The following OR10H5 variants were observed in gnomAD, a reference collection of about 807,000 sequenced individuals.
The protein encoded by OR10H5 is olfactory receptor family 10 subfamily H member 5, also known as olfactory receptor 10H5.
Under a neutral mutation model 12.2 loss-of-function variants are expected in OR10H5, and 7 were observed. That is an observed-to-expected ratio of 0.57 (90% CI 0.33 to 1.07). The LOEUF (loss-of-function observed/expected upper bound fraction) is 1.07. Among genes scored for constraint, OR10H5 ranks in the 50% least tolerant of loss-of-function variants. The probability of loss-of-function intolerance (pLI) is 0.04; values close to 1 mark genes in which losing one functional copy is unlikely to be tolerated. For synonymous variants in OR10H5, 159 were observed against 175.1 expected, an observed-to-expected ratio of 0.91 and a Z score of 0.73; for missense variants, 346 against 411.6, an observed-to-expected ratio of 0.84 and a Z score of 1.38.
At position 15,796,611 on chromosome 19, in the gene OR10H5, C is replaced by G. The variant is rs2088841201; in HGVS notation, c.*1615C>G. On this transcript the variant is annotated 3_prime_UTR_variant, in exon 2 of 2. Transcript: ENST00000642092. The stretch of plus-strand genomic sequence containing the variant: ...CTCTACAAAAAAATTAAAAAATTAG[C>G]TAGACATGGCTGCATGTGCCTGTAG... 6.6e-6 allele frequency: 1 copy of G among 152,000 alleles called. No individual in the cohort carries two copies. Among genetic ancestry groups the G allele is most frequent in the South Asian group, 2.1e-4 (1 of 4,816 alleles). 9.4% of individuals were successfully genotyped at this position (152,000 alleles called of 1,614,324 possible).
In OR10H5 at chr19:15,795,158, T is replaced by G; in HGVS notation, c.*162T>G. On this transcript the variant is annotated 3_prime_UTR_variant, in exon 2 of 2. Transcript: ENST00000642092. ...TCCTCCCTCCTTCTCTGACCTACAGTCCACCCTCCCTCCCCCCTCCTCCTT... is the reference window on the plus strand; with the variant it reads ...TCCTCCCTCCTTCTCTGACCTACAGGCCACCCTCCCTCCCCCCTCCTCCTT... The G allele has an allele frequency of 1.7e-6, 1 of 588,440 alleles. No individual in the cohort carries two copies. Among genetic ancestry groups the G allele is most frequent in the Non-Finnish European group, 2.8e-6 (1 of 357,026 alleles). The allele number at this position is 588,440 out of a possible 1,614,324, so 36.5% of individuals were successfully genotyped here. A position where few individuals can be genotyped will look rare whatever the true frequency, so the allele number is the denominator to read the frequency against.
Position 15,794,060 on chromosome 19 carries a change from A to G in OR10H5, c.12A>G (p.Leu4=), listed in dbSNP as rs2088822579. 6.2e-7 allele frequency: 1 copy of G among 1,613,020 alleles called. No individual in the cohort carries two copies. The highest frequency in any genetic ancestry group is 8.5e-7 in the Non-Finnish European group (1 of 1,179,510). The change falls in exon 2 of 2, where the codon CTA becomes CTG. Residue 4 remains leucine, a synonymous_variant. Transcript: ENST00000642092. Reference sequence around the variant, plus strand: ...TAGGGGTGGCCGCCATGCAGGGGCTAAACCACACCTCCGTGTCTGAATTCA... The same window carrying G: ...TAGGGGTGGCCGCCATGCAGGGGCTGAACCACACCTCCGTGTCTGAATTCA... MQG[L]NHTSVSEFIL... is the part of the protein sequence containing the mutation.
chr19:15,794,133 C>A lies in OR10H5; in HGVS notation c.85C>A (p.Leu29Met). Residue 29 changes from leucine to methionine, a missense_variant, in exon 2 of 2, where the codon CTG becomes ATG. Physicochemically the swap from Leu to Met is conservative, Grantham distance 15 (BLOSUM62 2). Transcript: ENST00000642092. ...AFPHLQLMLFLLFLLMYLFTL... is the reference protein window; with the variant it reads ...AFPHLQLMLFMLFLLMYLFTL... ...CCCCCACCTCCAGCTGATGCTCTTC[C>A]TGCTGTTCCTGCTGATGTACCTGTT... 1.2e-6 allele frequency: 2 copies of A among 1,614,196 alleles called. No individual in the cohort carries two copies. The highest frequency in any genetic ancestry group is 2.2e-5 in the South Asian group (2 of 91,080).
Position 15,794,068 on chromosome 19 carries a change from C to A in OR10H5, c.20C>A (p.Thr7Asn). The A allele has an allele frequency of 6.2e-7, 1 of 1,613,730 alleles. No individual in the cohort carries two copies. The highest frequency in any genetic ancestry group is 1.1e-5 in the South Asian group (1 of 91,012). Residue 7 changes from threonine to asparagine, a missense_variant, in exon 2 of 2, where the codon ACC becomes AAC. Thr to Asn is a moderately conservative substitution (Grantham distance 65). Coordinates refer to ENST00000642092, the MANE Select transcript of OR10H5 (RefSeq NM_001004466.2). ...GCCGCCATGCAGGGGCTAAACCACA[C>A]CTCCGTGTCTGAATTCATCCTCGTT... The part of the protein sequence containing the change: MQGLNH[T>N]SVSEFILVGF...
At chr19:15,788,003 C>T (rs187676791) in intron 1 of OR10H5, among the ~76,000 whole-genome samples, 1 of 152,190 alleles carries the variant, frequency 6.6e-6, no homozygotes. Flanking sequence ...CACCAGGGTC[C>T]ATGCTGGGGT....
Position 15,800,006 on chromosome 19 carries a change from T to G in OR10H5, c.*5010T>G, listed in dbSNP as rs1042942841. 3 of 152,132 alleles carry G rather than the reference T, an allele frequency of 2.0e-5. No homozygotes were observed. Among genetic ancestry groups the G allele is most frequent in the Admixed American group, 6.6e-5 (1 of 15,240 alleles). The allele number at this position is 152,132 out of a possible 1,614,324, so 9.4% of individuals were successfully genotyped here. A position where few individuals can be genotyped will look rare whatever the true frequency, so the allele number is the denominator to read the frequency against. The stretch of plus-strand genomic sequence containing the variant: ...GGCATGAGCCACCACGCCTGGCCCC[T>G]TGCATCTACTCTTGCTTTTGCCTGT... On this transcript the variant is annotated 3_prime_UTR_variant, in exon 2 of 2. Transcript: ENST00000642092.
intron 1 of OR10H5, among the ~76,000 whole-genome samples, chr19:15,788,738 C>G (rs1803758281): frequency 6.6e-6 from 1 of 152,110 alleles, no homozygotes; most frequent in Admixed American, 6.5e-5. Context: ...ATCCCCCGCC[C>G]CACCCACCTT....
chr19:15,795,335 GT>G lies in OR10H5; in HGVS notation c.*344del. 3.9e-6 allele frequency: 1 copy of G among 257,294 alleles called. No individual in the cohort carries two copies. Among genetic ancestry groups the G allele is most frequent in the Non-Finnish European group, 7.4e-6 (1 of 135,632 alleles). The allele number at this position is 257,294 out of a possible 1,614,324, so 15.9% of individuals were successfully genotyped here. ...TCCTTGTTCTTTTGTTTTTGTTTTTGTTTTTGTTTTGACTGAGTCTCGTTCT... is the reference window on the plus strand; with the variant it reads ...TCCTTGTTCTTTTGTTTTTGTTTTTGTTTTGTTTTGACTGAGTCTCGTTCT... On this transcript the variant is annotated 3_prime_UTR_variant, in exon 2 of 2. Transcript: ENST00000642092.
At chr19:15,792,131 G>A (rs575035530) in intron 1 of OR10H5, among the ~76,000 whole-genome samples, 1 of 152,236 alleles carries the variant, frequency 6.6e-6, no homozygotes, top group African/African-American at 2.4e-5. Context: ...AATTTTGCCA[G>A]TTTGTCAGCT....
At chr19:15,792,988 A>G (rs1174458729) in intron 1 of OR10H5, among the ~76,000 whole-genome samples, 1 of 152,186 alleles carries the variant, frequency 6.6e-6, no homozygotes, top group Non-Finnish European at 1.5e-5. Context: ...GACCACCGAG[A>G]TTTAAAAATA....
At position 15,796,095 on chromosome 19, in the gene OR10H5, A is replaced by G. The variant is rs2088838875; in HGVS notation, c.*1099A>G. ...CCAAGTTCTATTCTGAAGATGAGGA[A>G]GCTAAGTTATGAAGAGATTAAGTTA... On this transcript the variant is annotated 3_prime_UTR_variant, in exon 2 of 2. Transcript: ENST00000642092. 6.6e-6 allele frequency: 1 copy of G among 152,238 alleles called. No individual in the cohort carries two copies. Among genetic ancestry groups the G allele is most frequent in the Non-Finnish European group, 1.5e-5 (1 of 68,050 alleles). The allele number at this position is 152,238 out of a possible 1,614,324, so 9.4% of individuals were successfully genotyped here. A position where few individuals can be genotyped will look rare whatever the true frequency, so the allele number is the denominator to read the frequency against.
intron 1 of OR10H5, among the ~76,000 whole-genome samples, chr19:15,787,983 C>A (rs2088790481): frequency 6.6e-6 from 1 of 152,186 alleles, no homozygotes; most frequent in South Asian, 2.1e-4. Flanking sequence ...CTTTCCACAG[C>A]AGTCGTGGCC....
chr19:15,788,242 A>G (rs931727986), intron 1 of OR10H5, among the ~76,000 whole-genome samples: 2 of 152,128 alleles, frequency 1.3e-5, no homozygotes, highest in African/African-American at 4.8e-5. Context: ...GCATTCTTGC[A>G]GGGTTCTGGA....
intron 1 of OR10H5, among the ~76,000 whole-genome samples, chr19:15,788,203 CAAACCTTGTGGCTTA>C (rs2088792377): frequency 6.6e-6 from 1 of 152,132 alleles, no homozygotes. Context: ...CAAAGTGCCG[CAAACCTTGTGGCTTA>C]AAACAAGATA....
rs1045981074 is a variant in OR10H5, at chr19:15,799,063, A to T, written c.*4067A>T. 5 of 152,140 alleles carry T rather than the reference A, an allele frequency of 3.3e-5. No individual in the cohort carries two copies. The highest frequency in any genetic ancestry group is 5.9e-5 in the Non-Finnish European group (4 of 68,048). 9.4% of individuals were successfully genotyped at this position (152,140 alleles called of 1,614,324 possible). A position where few individuals can be genotyped will look rare whatever the true frequency, so the allele number is the denominator to read the frequency against. ...TGAGCCACCACATCCAGCCAGAAGG[A>T]TCTTTCTAAAGGGAAACTCTGAAAA... On this transcript the variant is annotated 3_prime_UTR_variant, in exon 2 of 2. Coordinates refer to ENST00000642092, the MANE Select transcript of OR10H5 (RefSeq NM_001004466.2).
Position 15,798,065 on chromosome 19 carries a change from A to AAAAG in OR10H5, c.*3070_*3073dup. 1 of 151,874 alleles carries AAAAG rather than the reference A, an allele frequency of 6.6e-6. No individual in the cohort carries two copies. Among genetic ancestry groups the AAAAG allele is most frequent in the East Asian group, 1.9e-4 (1 of 5,166 alleles). 9.4% of individuals were successfully genotyped at this position (151,874 alleles called of 1,614,324 possible). On this transcript the variant is annotated 3_prime_UTR_variant, in exon 2 of 2. Transcript: ENST00000642092. ...CATCTAAAAAAAAAAAAAAAAAAAA[A>AAAAG]AAAGCATAAACGTAATTTATCTTGA...
In OR10H5 at chr19:15,799,252, C is replaced by T. The variant is rs1326554479; in HGVS notation, c.*4256C>T. On this transcript the variant is annotated 3_prime_UTR_variant, in exon 2 of 2. Coordinates refer to ENST00000642092, the MANE Select transcript of OR10H5 (RefSeq NM_001004466.2). Reference sequence around the variant, plus strand: ...GTCCCGGCAGTAAACCAAGCACACCCGGACCCCAGGAACCTTGCATCTACT... The same window carrying T: ...GTCCCGGCAGTAAACCAAGCACACCTGGACCCCAGGAACCTTGCATCTACT... 2 of 152,174 alleles carry T rather than the reference C, an allele frequency of 1.3e-5. No homozygotes were observed. Among genetic ancestry groups the T allele is most frequent in the Admixed American group, 6.5e-5 (1 of 15,280 alleles). The allele number at this position is 152,174 out of a possible 1,614,324, so 9.4% of individuals were successfully genotyped here.
Position 15,794,575 on chromosome 19 carries a change from A to C in OR10H5, c.527A>C (p.His176Pro), listed in dbSNP as rs1600085616. 1 of 1,614,110 alleles carries C rather than the reference A, an allele frequency of 6.2e-7. No homozygotes were observed. ...TTCTGTGGACACAAGGAGATCCACCATTTCTTCTGCCACGTGCCACCTCTG... is the reference window on the plus strand; with the variant it reads ...TTCTGTGGACACAAGGAGATCCACCCTTTCTTCTGCCACGTGCCACCTCTG... Reference protein sequence around the residue: ...LAFCGHKEIHHFFCHVPPLLK... With the variant: ...LAFCGHKEIHPFFCHVPPLLK... Residue 176 changes from histidine to proline, a missense_variant, in exon 2 of 2, where the codon CAT (histidine) becomes CCT (proline). Coordinates refer to ENST00000642092, the MANE Select transcript of OR10H5 (RefSeq NM_001004466.2).
chr19:15,795,091 C>CCT lies in OR10H5; in HGVS notation c.*95_*96insCT. ...CTTTCCTCCCTCCCTCCTTTCCTCC[C>CCT]TCCCTCCCTTCCTTCCTTCTTTCCT... On this transcript the variant is annotated 3_prime_UTR_variant, in exon 2 of 2. Coordinates refer to ENST00000642092, the MANE Select transcript of OR10H5 (RefSeq NM_001004466.2). The CCT allele has an allele frequency of 9.6e-7, 1 of 1,039,176 alleles. No homozygotes were observed. Among genetic ancestry groups the CCT allele is most frequent in the Non-Finnish European group, 1.4e-6 (1 of 720,586 alleles). 64.4% of individuals were successfully genotyped at this position (1,039,176 alleles called of 1,614,324 possible). A position where few individuals can be genotyped will look rare whatever the true frequency, so the allele number is the denominator to read the frequency against.
Sources: gnomAD v4.1 joint callset for allele counts (sites outside exome capture counted in the v4.1 genomes callset) on GRCh38, gnomAD v4.1.1 for gene constraint, MANE v1.5 for transcripts, NCBI Gene and HGNC (gene_info 2026-07-23, HGNC 2026-07-21) for gene names.